Variants in PHEX observed in about 807,000 individuals in gnomAD.
PHEX encodes the protein phosphate regulating endopeptidase X-linked.
In PHEX, 16 loss-of-function variants were observed where a neutral mutation model predicts 68.0. That is an observed-to-expected ratio of 0.24 (90% CI 0.16 to 0.36). PHEX has a LOEUF of 0.36. Among genes scored for constraint, PHEX ranks in the 10% least tolerant of loss-of-function variants. PHEX has a pLI of 1.00. For synonymous variants in PHEX, 208 were observed against 205.1 expected (o/e 1.01, Z -0.12); for missense variants, 480 against 575.5 (o/e 0.83, Z 1.70).
rs201265284 is a variant in PHEX at position 22,226,327 on chromosome X, A to AT, written c.1900-112dup. The AT allele has an allele frequency of 0.012, 6,887 of 555,596 alleles. 328 individuals carry two copies. The African/African-American group carries it at 0.14, about 12-fold the overall frequency. 45.8% of individuals were successfully genotyped at this position (555,596 alleles called of 1,213,427 possible). On this transcript the variant is annotated intron_variant, in intron 18 of 21. Coordinates refer to ENST00000379374, the MANE Select transcript of PHEX (RefSeq NM_000444.6). ...GCCTACCTCTGATTTATTGAATGTG[A>AT]TTTTCTCTTTAAAATATGATACTTT...
intron 18 of PHEX, among the ~76,000 whole-genome samples, chrX:22,222,044 C>T (rs1178861383): frequency 9.0e-6 from 1 of 111,536 alleles, no homozygotes; most frequent in Non-Finnish European, 1.9e-5. Context: ...AGGTAAAAAT[C>T]CATGTGCTTC....
chrX:22,219,853 G>A (rs766442882), intron 17 of PHEX, among the ~76,000 whole-genome samples: 5 of 111,464 alleles, frequency 4.5e-5, no homozygotes, highest in African/African-American at 9.8e-5. Context: ...TCCTGACCTC[G>A]TGATCTGCCC....
At chrX:22,102,257 A>G (rs1182989403) in intron 9 of PHEX, among the ~76,000 whole-genome samples, 4 of 109,438 alleles carry the variant, frequency 3.7e-5, no homozygotes, top group Non-Finnish European at 5.7e-5. Context: ...CCACCCTTCT[A>G]TTCTCTATCT....
intron 16 of PHEX, among the ~76,000 whole-genome samples, chrX:22,213,740 T>G (rs1424709803): frequency 8.9e-6 from 1 of 112,547 alleles, no homozygotes; most frequent in Non-Finnish European, 1.9e-5. Context: ...ATTCTATACA[T>G]TGAGTCTCTT....
intron 9 of PHEX, among the ~76,000 whole-genome samples, chrX:22,111,185 G>A (rs749323177): frequency 8.9e-6 from 1 of 112,339 alleles, no homozygotes; most frequent in South Asian, 3.7e-4. Context: ...GTGTAACAGT[G>A]GACTTTATAC....
chrX:22,201,638 G>T (rs1602384458), intron 15 of PHEX, among the ~76,000 whole-genome samples: 1 of 111,759 alleles, frequency 8.9e-6, no homozygotes, highest in East Asian at 2.8e-4. Context: ...GCTTCATCTG[G>T]AATGCTCTGC....
chrX:22,132,861 A>G (rs1367149147), intron 11 of PHEX, among the ~76,000 whole-genome samples: 3 of 107,050 alleles, frequency 2.8e-5, no homozygotes, highest in Non-Finnish European at 5.8e-5. Context: ...CATTATTCTC[A>G]TGGAAAGAAA....
At chrX:22,219,595 A>G (rs1266446670) in intron 17 of PHEX, among the ~76,000 whole-genome samples, 2 of 106,691 alleles carry the variant, frequency 1.9e-5, no homozygotes, top group Non-Finnish European at 3.8e-5. Flanking sequence ...TTTTCTCTAT[A>G]CTGGCTTATA....
At chrX:22,148,787 T>G (rs886157569) in intron 12 of PHEX, among the ~76,000 whole-genome samples, 1 of 112,117 alleles carries the variant, frequency 8.9e-6, no homozygotes, top group Non-Finnish European at 1.9e-5. Context: ...TTTTTCTGTT[T>G]GGTTGATTAG....
At chrX:22,187,780 T>C (rs1355926834) in intron 14 of PHEX, among the ~76,000 whole-genome samples, 1 of 111,865 alleles carries the variant, frequency 8.9e-6, no homozygotes, top group Non-Finnish European at 1.9e-5. Flanking sequence ...AGGAAAAGAA[T>C]ATGCATTTTA....
intron 11 of PHEX, among the ~76,000 whole-genome samples, chrX:22,126,864 G>GTTTTT (rs35691469): frequency 1.2e-3 from 68 of 54,593 alleles, no homozygotes; most frequent in African/African-American, 2.5e-3. Context: ...TGAAATAGTT[G>GTTTTT]TTTTTTTTTT....
chrX:22,073,783 G>C (rs773155454), intron 3 of PHEX, among the ~76,000 whole-genome samples: 1 of 108,331 alleles, frequency 9.2e-6, no homozygotes, highest in African/African-American at 3.4e-5. Context: ...GGGACTACAG[G>C]TGTGCGCCAC....
chrX:22,190,569 G>A, intron 15 of PHEX, 67 bp downstream of exon 15: 1 of 712,468 alleles, frequency 1.4e-6, no homozygotes, highest in Admixed American at 2.2e-5. Flanking sequence ...CCATGACTAT[G>A]ATGGAGGGTA....
chrX:22,069,858 C>T (rs946063001), intron 3 of PHEX, among the ~76,000 whole-genome samples: 6 of 111,653 alleles, frequency 5.4e-5, no homozygotes, highest in Admixed American at 2.9e-4. Flanking sequence ...ACGGGATCCA[C>T]GGACCATGAC....
At chrX:22,157,161 G>T (rs1932974229) in intron 12 of PHEX, among the ~76,000 whole-genome samples, 1 of 112,096 alleles carries the variant, frequency 8.9e-6, no homozygotes, top group Non-Finnish European at 1.9e-5. Context: ...GGAATAACAG[G>T]TGTGAGCCAC....
chrX:22,131,602 C>T (rs748054794), intron 11 of PHEX, among the ~76,000 whole-genome samples: 9 of 112,843 alleles, frequency 8.0e-5, no homozygotes, highest in Admixed American at 7.5e-4. Flanking sequence ...AGCTCTGGTT[C>T]CCTCACAACT....
intron 20 of PHEX, among the ~76,000 whole-genome samples, chrX:22,229,254 C>T (rs1228244972): frequency 8.9e-6 from 1 of 111,785 alleles, no homozygotes; most frequent in Non-Finnish European, 1.9e-5. Context: ...TGGGTATATA[C>T]CCAGTAATGG....
intron 1 of PHEX, among the ~76,000 whole-genome samples, chrX:22,037,355 C>G (rs1315020886): frequency 1.8e-5 from 2 of 111,239 alleles, no homozygotes; most frequent in Non-Finnish European, 3.8e-5. Flanking sequence ...GCCTTGGTCC[C>G]CATTCACCTC....
chrX:22,050,148 A>G (rs1283307752), intron 3 of PHEX, among the ~76,000 whole-genome samples: 1 of 112,749 alleles, frequency 8.9e-6, no homozygotes, highest in Non-Finnish European at 1.9e-5. Flanking sequence ...ACCTTTATAG[A>G]CAGTTTGCCA....
Sources: allele counts gnomAD v4.1 joint callset (sites outside exome capture counted in the v4.1 genomes callset), GRCh38; gene constraint gnomAD v4.1.1; transcripts MANE v1.5; gene names NCBI Gene and HGNC (gene_info 2026-07-23, HGNC 2026-07-21).